The following OS9 variants were observed in gnomAD, a reference collection of about 807,000 sequenced individuals.
OS9 encodes the protein OS9 endoplasmic reticulum lectin, also known as protein OS-9.
Under a neutral mutation model 84.7 loss-of-function variants are expected in OS9, and 58 were observed. That is an observed-to-expected ratio of 0.68 (90% CI 0.55 to 0.85). The LOEUF (loss-of-function observed/expected upper bound fraction) is 0.85. Ranked by LOEUF, OS9 falls within the 40% of genes least tolerant of loss-of-function variation. The pLI is 0.00. For synonymous variants in OS9, 278 were observed against 320.8 expected, an observed-to-expected ratio of 0.87 and a Z score of 1.43; for missense variants, 760 against 850.9, an observed-to-expected ratio of 0.89 and a Z score of 1.33.
At chr12:57,696,458 G>T (rs1450533866) in intron 5 of OS9, 85 bp downstream of exon 5, 10 of 228,768 alleles carry the variant, frequency 4.4e-5, no homozygotes, top group Non-Finnish European at 7.8e-5. Context: ...TAGTCGGGGC[G>T]GGGGCGGGGG....
At chr12:57,720,295 T>C in intron 13 of OS9, 32 bp downstream of exon 13, 2 of 1,612,816 alleles carry the variant, frequency 1.2e-6, no homozygotes, top group East Asian at 2.2e-5. Context: ...GACCCAGTGC[T>C]GTCGGAAGGG....
chr12:57,706,347 A>G (rs1439432609), intron 5 of OS9, among the ~76,000 whole-genome samples: 3 of 151,924 alleles, frequency 2.0e-5, no homozygotes, highest in Non-Finnish European at 4.4e-5. Context: ...CATGGTCATG[A>G]AGTTTTTTTT....
At position 57,696,053 on chromosome 12, in the gene OS9, G is replaced by A; in HGVS notation, c.480+15G>A. ...AAACAGCCAAGGTGGCAAGAGTGTGGGATTCAGGAAGAAAGGGTTCTGGCC... is the reference window on the plus strand; with the variant it reads ...AAACAGCCAAGGTGGCAAGAGTGTGAGATTCAGGAAGAAAGGGTTCTGGCC... On this transcript the variant is annotated intron_variant, in intron 4 of 14. Transcript: ENST00000315970. 1 of 1,598,076 alleles carries A rather than the reference G, an allele frequency of 6.3e-7. No individual in the cohort carries two copies. Among genetic ancestry groups the A allele is most frequent in the Non-Finnish European group, 8.6e-7 (1 of 1,165,506 alleles).
rs1005606455 is a variant in OS9, at chr12:57,720,438, G to C, written c.1798G>C (p.Ala600Pro). The change falls in exon 14 of 15, where the codon GCT (alanine) becomes CCT (proline). Residue 600 changes from alanine to proline, a missense_variant. Coordinates refer to ENST00000315970, the MANE Select transcript of OS9 (RefSeq NM_006812.4). Reference protein sequence around the residue: ...KIEIKIVRPWAEGTEEGARWL... With the variant: ...KIEIKIVRPWPEGTEEGARWL... Reference sequence around the variant, plus strand: ...TGAGATCAAAATTGTCCGCCCATGGGCTGAAGGGACTGAAGAGGGTGCACG... The same window carrying C: ...TGAGATCAAAATTGTCCGCCCATGGCCTGAAGGGACTGAAGAGGGTGCACG... The C allele has an allele frequency of 6.8e-6, 11 of 1,613,964 alleles. No homozygotes were observed. Among genetic ancestry groups the C allele is most frequent in the Non-Finnish European group, 9.3e-6 (11 of 1,179,900 alleles).
chr12:57,714,994 T>C (rs1380094965), intron 5 of OS9, among the ~76,000 whole-genome samples: 1 of 152,196 alleles, frequency 6.6e-6, no homozygotes, highest in East Asian at 1.9e-4. Flanking sequence ...ATAAGAATCT[T>C]AGAATTGTTT....
rs772987626 is a variant in OS9 at position 57,720,091 on chromosome 12, C to G, written c.1601-8C>G. 3.1e-6 allele frequency: 5 copies of G among 1,612,816 alleles called. No homozygotes were observed. Among genetic ancestry groups the G allele is most frequent in the African/African-American group, 1.3e-5 (1 of 74,884 alleles). ...CTTTGTGTTTCCCTGTGTGTCTCCC[C>G]CTCTAAGAGGAGGATCCTGAGCACA... On this transcript the variant is annotated splice_polypyrimidine_tract_variant and splice_region_variant and intron_variant, in intron 12 of 14. Transcript: ENST00000315970.
intron 5 of OS9, among the ~76,000 whole-genome samples, chr12:57,713,797 A>G (rs1446024597): frequency 1.3e-5 from 2 of 150,612 alleles, no homozygotes; most frequent in East Asian, 3.9e-4. Context: ...TTGAGGGAGC[A>G]TGTCATGGTT....
intron 5 of OS9, among the ~76,000 whole-genome samples, chr12:57,706,846 G>GGA (rs750932660): frequency 2.4e-5 from 1 of 41,716 alleles, no homozygotes; most frequent in Non-Finnish European, 4.1e-5. Context: ...ATGACTCTCT[G>GGA]AAAAAAAAAA....
At chr12:57,695,895 T>G in intron 3 of OS9, 52 bp downstream of exon 3, 1 of 1,563,112 alleles carries the variant, frequency 6.4e-7, no homozygotes, top group South Asian at 1.1e-5. Context: ...TCATGGAAGT[T>G]CCCCAGTTCC....
At chr12:57,697,906 C>A (rs1478248365) in intron 5 of OS9, among the ~76,000 whole-genome samples, 1 of 55,420 alleles carries the variant, frequency 1.8e-5, no homozygotes, top group East Asian at 3.5e-4. Flanking sequence ...CTAACATAAG[C>A]AAACACACAC....
At position 57,716,135 on chromosome 12, in the gene OS9, T is replaced by C; in HGVS notation, c.834T>C (p.Asp278=). The C allele has an allele frequency of 6.2e-7, 1 of 1,613,460 alleles. No homozygotes were observed. The change falls in exon 7 of 15, where the codon GAT becomes GAC. Residue 278 remains aspartate (D), a synonymous_variant. Coordinates refer to ENST00000315970, the MANE Select transcript of OS9 (RefSeq NM_006812.4). ...ATAAAATCATAGAGGAGCTGCAAGATCTAGGCCCCCAAGTGTGGAGTGAGA... is the reference window on the plus strand; with the variant it reads ...ATAAAATCATAGAGGAGCTGCAAGACCTAGGCCCCCAAGTGTGGAGTGAGA... The part of the protein sequence containing the change: ...YGDKIIEELQ[D]LGPQVWSETK...
chr12:57,699,574 G>T (rs1953960300), intron 5 of OS9, among the ~76,000 whole-genome samples: 1 of 152,174 alleles, frequency 6.6e-6, no homozygotes, highest in Non-Finnish European at 1.5e-5. Flanking sequence ...ATTAAAAACT[G>T]CTTATAGGCA....
intron 11 of OS9, 136 bp downstream of exon 11, chr12:57,718,557 A>C: frequency 1.1e-6 from 1 of 904,116 alleles, no homozygotes; most frequent in East Asian, 2.6e-5. Flanking sequence ...CTGTTTCCCT[A>C]ATTAATCGGG....
At chr12:57,697,566 G>A (rs568346307) in intron 5 of OS9, among the ~76,000 whole-genome samples, 1 of 152,288 alleles carries the variant, frequency 6.6e-6, no homozygotes, top group African/African-American at 2.4e-5. Flanking sequence ...ACAGGTTTAG[G>A]GGAGGAAATT....
rs769933090 is a variant in OS9, at chr12:57,716,412, G to A, written c.893G>A (p.Gly298Asp). Residue 298 changes from glycine (G) to aspartate (D), a missense_variant and splice_region_variant, in exon 8 of 15, where the codon GGT becomes GAT. Physicochemically the swap from Gly to Asp is moderately conservative, Grantham distance 94. Transcript: ENST00000315970. ...KSGVAPQKMA[G>D]ASPTKDDSKD... ...TCTCTCCCTGTTCTCTGTACCCTAG[G>A]TGCGAGCCCGACCAAGGATGACAGT... is the stretch of plus-strand genomic sequence containing the variant. 6.4e-7 allele frequency: 1 copy of A among 1,554,016 alleles called. No individual in the cohort carries two copies. Among genetic ancestry groups the A allele is most frequent in the South Asian group, 1.2e-5 (1 of 84,292 alleles).
intron 5 of OS9, among the ~76,000 whole-genome samples, chr12:57,699,486 G>A (rs529408088): frequency 2.0e-5 from 3 of 152,296 alleles, no homozygotes; most frequent in Non-Finnish European, 4.4e-5. Flanking sequence ...ATGGTGACAT[G>A]GAAACGAGGA....
At chr12:57,720,742 A>T (rs769742477) in intron 14 of OS9, 42 bp from the exon 15 acceptor site, 1 of 1,565,020 alleles carries the variant, frequency 6.4e-7, no homozygotes, top group Non-Finnish European at 8.7e-7. Context: ...CCCTGGGCTC[A>T]ACGGCCAGTA....
At chr12:57,707,645 T>G (rs1954209905) in intron 5 of OS9, among the ~76,000 whole-genome samples, 2 of 152,180 alleles carry the variant, frequency 1.3e-5, no homozygotes, top group Non-Finnish European at 2.9e-5. Context: ...GTGATCCACC[T>G]GCCTTGGCTT....
At chr12:57,697,766 C>T (rs1739536883) in intron 5 of OS9, among the ~76,000 whole-genome samples, 1 of 151,924 alleles carries the variant, frequency 6.6e-6, no homozygotes, top group African/African-American at 2.4e-5. Context: ...GTTCCCTCTG[C>T]CTGGTGCAGT....
Sources: gnomAD v4.1 joint callset for allele counts (sites outside exome capture counted in the v4.1 genomes callset) on GRCh38, gnomAD v4.1.1 for gene constraint, MANE v1.5 for transcripts, NCBI Gene and HGNC (gene_info 2026-07-23, HGNC 2026-07-21) for gene names.